CIMIP2A: variants seen among roughly 807,000 people sequenced by gnomAD.
CIMIP2A encodes the protein family with sequence similarity 166 member A.
At chr9:137,254,271 C>T in the CIMIP2A span, among the ~76,000 whole-genome samples, 1 of 152,256 alleles carries the variant, frequency 6.6e-6, no homozygotes, top group East Asian at 1.9e-4. Context: ...CCTTGTCCTC[C>T]TCTGCCACCG....
At chr9:137,246,914 G>A in the CIMIP2A span, among the ~76,000 whole-genome samples, 3 of 152,266 alleles carry the variant, frequency 2.0e-5, 1 homozygote, top group South Asian at 6.2e-4. Flanking sequence ...CACACGTTCC[G>A]TAGAGGGGTT....
At chr9:137,246,666 G>C in the CIMIP2A span, among the ~76,000 whole-genome samples, 1 of 152,162 alleles carries the variant, frequency 6.6e-6, no homozygotes, top group East Asian at 1.9e-4. Context: ...GGGAGGCTGA[G>C]GCAGGAGAAT....
the CIMIP2A span, chr9:137,252,542 G>A: frequency 1.9e-5 from 26 of 1,355,718 alleles, no homozygotes; most frequent in South Asian, 3.2e-4. Flanking sequence ...GGCTGGGCAG[G>A]AAGGGGGCGG....
chr9:137,252,194 G>A, the CIMIP2A span: 12 of 1,565,362 alleles, frequency 7.7e-6, no homozygotes, highest in East Asian at 1.8e-4. Flanking sequence ...TGGGAATGGG[G>A]GCCTTTGCCT....
chr9:137,252,696 G>T, the CIMIP2A span: 5 of 1,551,652 alleles, frequency 3.2e-6, no homozygotes, highest in Non-Finnish European at 4.4e-6. Flanking sequence ...CTGCTCAGCC[G>T]GCCCGCCTTC....
the CIMIP2A span, among the ~76,000 whole-genome samples, chr9:137,254,637 A>AG: frequency 1.3e-5 from 2 of 152,214 alleles, no homozygotes; most frequent in South Asian, 2.1e-4. Flanking sequence ...GGGTGTGTGT[A>AG]GGGGGCTTGG....
the CIMIP2A span, chr9:137,245,360 C>G: frequency 1.2e-6 from 2 of 1,609,452 alleles, no homozygotes; most frequent in African/African-American, 1.3e-5. Flanking sequence ...CAGGCCTCTT[C>G]CCCGTATACT....
chr9:137,252,912 CGCCG>C, the CIMIP2A span: 8 of 1,599,012 alleles, frequency 5.0e-6, no homozygotes, highest in Non-Finnish European at 6.8e-6. Flanking sequence ...AGCCCCCGCT[CGCCG>C]GCCTTCTCGA....
At chr9:137,244,378 G>T in the CIMIP2A span, 1 of 1,591,136 alleles carries the variant, frequency 6.3e-7, no homozygotes, top group South Asian at 1.1e-5. Flanking sequence ...CCGGAGGGCC[G>T]GCACTCCGTG....
chr9:137,243,909 A>T, the CIMIP2A span: 2 of 1,161,158 alleles, frequency 1.7e-6, no homozygotes, highest in Middle Eastern at 2.7e-4. Context: ...CTTGGTGGGG[A>T]ACTTGCTTGT....
the CIMIP2A span, chr9:137,252,653 C>T: frequency 6.5e-6 from 10 of 1,538,674 alleles, no homozygotes; most frequent in Non-Finnish European, 8.8e-6. Context: ...GTCTCCTACC[C>T]CCTCGCAGTG....
the CIMIP2A span, chr9:137,252,427 C>T: frequency 4.4e-6 from 7 of 1,608,166 alleles, no homozygotes; most frequent in African/African-American, 6.7e-5. Context: ...TCTCCATCCT[C>T]CAACTACAGA....
At chr9:137,251,014 C>A in the CIMIP2A span, 1 of 454,302 alleles carries the variant, frequency 2.2e-6, no homozygotes, top group Non-Finnish European at 4.1e-6. Flanking sequence ...TCCCAGGAGA[C>A]CCCAGGGTGC....
At chr9:137,254,095 G>C in the CIMIP2A span, among the ~76,000 whole-genome samples, 1 of 152,176 alleles carries the variant, frequency 6.6e-6, no homozygotes, top group Non-Finnish European at 1.5e-5. Context: ...CCTTACCTGC[G>C]GTGCCGTCAC....
At chr9:137,252,477 G>A in the CIMIP2A span, 1 of 1,610,956 alleles carries the variant, frequency 6.2e-7, no homozygotes, top group Non-Finnish European at 8.5e-7. Flanking sequence ...TGTGGTTCCA[G>A]AGCGAAAGCC....
the CIMIP2A span, among the ~76,000 whole-genome samples, chr9:137,247,922 G>T: frequency 2.0e-5 from 3 of 152,344 alleles, no homozygotes; most frequent in Admixed American, 6.5e-5. Context: ...GGGAGGAGTT[G>T]CGGTGAGGCA....
the CIMIP2A span, chr9:137,247,659 C>G: frequency 6.2e-7 from 1 of 1,612,944 alleles, no homozygotes. Flanking sequence ...CCGGCTCTCA[C>G]CCAGGGACAT....
At chr9:137,253,592 C>A in the CIMIP2A span, 1 of 1,067,292 alleles carries the variant, frequency 9.4e-7, no homozygotes, top group South Asian at 2.1e-5. Flanking sequence ...ATTCAGCTGC[C>A]CCTGAAAGGT....
the CIMIP2A span, chr9:137,243,712 G>GT: frequency 6.2e-7 from 1 of 1,614,150 alleles, no homozygotes; most frequent in South Asian, 1.1e-5. Context: ...ATAGTGTGTG[G>GT]TTTCGCTTTG....
Sources: allele counts gnomAD v4.1 joint callset (sites outside exome capture counted in the v4.1 genomes callset), GRCh38; gene constraint gnomAD v4.1.1; transcripts MANE v1.5; gene names NCBI Gene and HGNC (gene_info 2026-07-23, HGNC 2026-07-21).